Variants in IL1RAPL1 observed in about 807,000 individuals in gnomAD.
The protein encoded by IL1RAPL1 is interleukin-1 receptor accessory protein-like 1.
A neutral mutation model predicts 48.4 loss-of-function variants in IL1RAPL1; 3 were observed. The ratio of observed to expected loss-of-function variants is 0.06; its 90% confidence interval spans 0.03 to 0.16. The LOEUF (loss-of-function observed/expected upper bound fraction) is 0.16. IL1RAPL1 is among the 10% of genes least tolerant of loss of function. The pLI, the probability that IL1RAPL1 is intolerant of heterozygous loss-of-function variation, is 1.00. For synonymous variants in IL1RAPL1, 185 were observed against 187.7 expected (o/e 0.99, Z 0.12); for missense variants, 349 against 530.6 (o/e 0.66, Z 3.36).
At chrX:29,741,255 C>T (rs1474678186) in intron 6 of IL1RAPL1, among the ~76,000 whole-genome samples, 1 of 111,715 alleles carries the variant, frequency 9.0e-6, no homozygotes, top group Non-Finnish European at 1.9e-5. Flanking sequence ...CCATTTCTAG[C>T]CATAGAGGAG....
rs1477071829 is a variant in IL1RAPL1, at chrX:29,503,863, C to T, written c.703+104555C>T. Among the ~76,000 whole-genome samples the T allele has an allele frequency of 5.4e-5, 6 of 110,271 alleles. No individual in the cohort carries two copies. The Admixed American group carries it at 5.8e-4, about 11-fold the overall frequency. On this transcript the variant is annotated intron_variant, in intron 5 of 10. Coordinates refer to ENST00000378993, the MANE Select transcript of IL1RAPL1 (RefSeq NM_014271.4). ...ACTTATATTTCCCATCTTGCCCAGG[C>T]TGCTCTTGAACTCCTGGGCTCAAGC...
At chrX:29,030,714 C>T (rs1393878971) in intron 2 of IL1RAPL1, among the ~76,000 whole-genome samples, 3 of 110,932 alleles carry the variant, frequency 2.7e-5, no homozygotes, top group East Asian at 2.8e-4. Context: ...AGGGCAGATT[C>T]GGTGTAATGA....
rs372430490 is a variant in IL1RAPL1, at chrX:29,022,769, T to C, written c.82+233344T>C. Among the ~76,000 whole-genome samples the C allele has an allele frequency of 2.1e-4, 23 of 111,651 alleles. No individual in the cohort carries two copies. The East Asian group carries it at 6.5e-3, about 32-fold the overall frequency. ...TTCCCTGTTTCCTTATTGAGCATAA[T>C]TTAATGCAACAATCTTGCTTAAATA... On this transcript the variant is annotated intron_variant, in intron 2 of 10. Coordinates refer to ENST00000378993, the MANE Select transcript of IL1RAPL1 (RefSeq NM_014271.4).
intron 2 of IL1RAPL1, among the ~76,000 whole-genome samples, chrX:29,052,735 G>T (rs1927123366): frequency 1.8e-5 from 2 of 111,049 alleles, no homozygotes; most frequent in Non-Finnish European, 3.8e-5. Context: ...GCAATGGCAT[G>T]ATCTCAGCTC....
chrX:29,621,181 A>C (rs1355481877), intron 5 of IL1RAPL1, among the ~76,000 whole-genome samples: 4 of 111,897 alleles, frequency 3.6e-5, no homozygotes, highest in African/African-American at 1.3e-4. Context: ...TTGGTATATA[A>C]CAATAGAGAA....
At position 28,689,608 on chromosome X, in the gene IL1RAPL1, A is replaced by G. The variant is rs1424820851; in HGVS notation, c.-24-99712A>G. ...TATTTTTACTATTGTTATTTTATCC[A>G]CTTATGAGAACTCAAAACGTCCTTT... is the stretch of plus-strand genomic sequence containing the variant. On this transcript the variant is annotated intron_variant, in intron 1 of 10. Transcript: ENST00000378993. 4.5e-5 allele frequency among the ~76,000 whole-genome samples: 5 copies of G among 112,056 alleles called. No individual in the cohort carries two copies. In the East Asian group the frequency reaches 1.4e-3, roughly 31 times the overall value.
At chrX:29,216,482 ACT>A (rs1930872183) in intron 2 of IL1RAPL1, among the ~76,000 whole-genome samples, 1 of 111,044 alleles carries the variant, frequency 9.0e-6, no homozygotes, top group African/African-American at 3.3e-5. Flanking sequence ...GGCATGAGAC[ACT>A]CTGCCTGGCC....
chrX:29,033,141 T>G (rs939261930), intron 2 of IL1RAPL1, among the ~76,000 whole-genome samples: 2 of 111,348 alleles, frequency 1.8e-5, no homozygotes, highest in African/African-American at 6.5e-5. Flanking sequence ...TTTAATAAAT[T>G]TATCAATTTA....
rs762427024 is a variant in IL1RAPL1 at position 29,706,692 on chromosome X, T to TG, written c.778+38192dup. Among the ~76,000 whole-genome samples the TG allele has an allele frequency of 2.5e-3, 277 of 111,351 alleles. 1 individual carries two copies. The highest frequency in any genetic ancestry group is 0.014 in the Middle Eastern group (3 of 216). Reference sequence around the variant, plus strand: ...TGACAAACCCAACAAAAATATCAAGTGGGGAAAGGACACCCTATTTAACAA... The same window carrying TG: ...TGACAAACCCAACAAAAATATCAAGTGGGGGAAAGGACACCCTATTTAACAA... On this transcript the variant is annotated intron_variant, in intron 6 of 10. Coordinates refer to ENST00000378993, the MANE Select transcript of IL1RAPL1 (RefSeq NM_014271.4).
At chrX:29,055,235 G>C (rs1927185756) in intron 2 of IL1RAPL1, among the ~76,000 whole-genome samples, 1 of 110,650 alleles carries the variant, frequency 9.0e-6, no homozygotes, top group Non-Finnish European at 1.9e-5. Flanking sequence ...GTTCCCCTCA[G>C]TGCAATTTTT....
chrX:29,576,586 G>A (rs5927804), intron 5 of IL1RAPL1, among the ~76,000 whole-genome samples: 50,215 of 109,608 alleles, frequency 0.46, 8,654 homozygotes, highest in African/African-American at 0.58. Context: ...ACCATATAAC[G>A]ATTCTGTTTA....
intron 2 of IL1RAPL1, among the ~76,000 whole-genome samples, chrX:28,912,499 A>C (rs1449191235): frequency 9.0e-6 from 1 of 111,099 alleles, no homozygotes; most frequent in Non-Finnish European, 1.9e-5. Flanking sequence ...GATAGAAAAA[A>C]TATGTGTATA....
chrX:29,229,113 C>A (rs1931146016), intron 2 of IL1RAPL1, among the ~76,000 whole-genome samples: 2 of 111,994 alleles, frequency 1.8e-5, no homozygotes, highest in Non-Finnish European at 3.8e-5. Context: ...ACATACAATA[C>A]ATTTTTTCAT....
chrX:29,629,749 C>G (rs1924714712), intron 5 of IL1RAPL1, among the ~76,000 whole-genome samples: 1 of 111,934 alleles, frequency 8.9e-6, no homozygotes, highest in Non-Finnish European at 1.9e-5. Flanking sequence ...GTTTCATGAA[C>G]CACAGTCAAT....
chrX:28,590,567 A>C (rs892195797), intron 1 of IL1RAPL1, among the ~76,000 whole-genome samples: 4 of 111,612 alleles, frequency 3.6e-5, no homozygotes, highest in Non-Finnish European at 7.5e-5. Context: ...TTTGGCGTTC[A>C]TATTGTGTAG....
At chrX:29,378,492 G>A (rs1408820572) in intron 3 of IL1RAPL1, among the ~76,000 whole-genome samples, 1 of 112,217 alleles carries the variant, frequency 8.9e-6, no homozygotes, top group Admixed American at 9.5e-5. Flanking sequence ...TTCTCCTCTG[G>A]GAGGACTAGT....
chrX:28,766,609 T>G (rs1402925012), intron 1 of IL1RAPL1, among the ~76,000 whole-genome samples: 1 of 110,935 alleles, frequency 9.0e-6, no homozygotes. Context: ...AGCCACCCTG[T>G]TGTGCTATCA....
intron 6 of IL1RAPL1, among the ~76,000 whole-genome samples, chrX:29,885,570 G>A (rs1439313460): frequency 8.9e-6 from 1 of 111,788 alleles, no homozygotes; most frequent in Admixed American, 9.5e-5. Context: ...CAGAACTTTA[G>A]GAGGCTGAGG....
intron 6 of IL1RAPL1, among the ~76,000 whole-genome samples, chrX:29,802,820 T>TGTGTAC (rs1569172858): frequency 1.9e-5 from 1 of 52,820 alleles, no homozygotes; most frequent in African/African-American, 8.0e-5. Context: ...TGTGTGTATA[T>TGTGTAC]ATATGTATAC....
Sources: gnomAD v4.1 joint callset for allele counts (sites outside exome capture counted in the v4.1 genomes callset) on GRCh38, gnomAD v4.1.1 for gene constraint, MANE v1.5 for transcripts, NCBI Gene and HGNC (gene_info 2026-07-23, HGNC 2026-07-21) for gene names.